TUSC3: variants seen among roughly 807,000 people sequenced by gnomAD.
The protein encoded by TUSC3 is dolichyl-diphosphooligosaccharide--protein glycosyltransferase subunit TUSC3.
A neutral mutation model predicts 44.8 loss-of-function variants in TUSC3; 45 were observed. That is an observed-to-expected ratio of 1.00 (90% CI 0.79 to 1.29). TUSC3 has a LOEUF of 1.29. Among genes scored for constraint, TUSC3 ranks in the 50% most tolerant of loss-of-function variants. The pLI is 0.00. For synonymous variants in TUSC3, 212 were observed against 152.9 expected (o/e 1.39, Z -2.85); for missense variants, 519 against 437.9 (o/e 1.19, Z -1.65).
At chr8:15,834,725 T>A in the TUSC3 span, among the ~76,000 whole-genome samples, 2 of 152,202 alleles carry the variant, frequency 1.3e-5, no homozygotes, top group Non-Finnish European at 2.9e-5. Context: ...GGCCTGTTTT[T>A]CTGGTAATTT....
chr8:15,825,327 G>A, the TUSC3 span, among the ~76,000 whole-genome samples: 1 of 152,158 alleles, frequency 6.6e-6, no homozygotes, highest in African/African-American at 2.4e-5. Flanking sequence ...CACAATCATG[G>A]TGGAAGGCAA....
the TUSC3 span, among the ~76,000 whole-genome samples, chr8:15,827,661 T>C: frequency 2.6e-3 from 400 of 152,326 alleles, 2 homozygotes; most frequent in African/African-American, 9.4e-3. Context: ...GTACATTTGA[T>C]CTTTGGACAC....
At chr8:15,678,907 C>G (rs1421204192) in intron 6 of TUSC3, among the ~76,000 whole-genome samples, 1 of 152,118 alleles carries the variant, frequency 6.6e-6, no homozygotes, top group East Asian at 1.9e-4. Flanking sequence ...GAATTTGCAC[C>G]TCTAGCTGCA....
intron 1 of TUSC3, among the ~76,000 whole-genome samples, chr8:15,481,041 A>C (rs565831953): frequency 6.6e-6 from 1 of 152,230 alleles, no homozygotes; most frequent in South Asian, 2.1e-4. Context: ...TGAGGTCAGG[A>C]GTTCGAGACC....
At chr8:15,783,728 A>G in the TUSC3 span, among the ~76,000 whole-genome samples, 8 of 152,236 alleles carry the variant, frequency 5.3e-5, no homozygotes, top group Admixed American at 3.9e-4. Flanking sequence ...TGGATTAAAC[A>G]TAAGACCAGA....
intron 6 of TUSC3, among the ~76,000 whole-genome samples, chr8:15,713,931 C>T (rs1809960345): frequency 6.6e-6 from 1 of 152,150 alleles, no homozygotes; most frequent in Non-Finnish European, 1.5e-5. Context: ...CACTTATTCA[C>T]AACCGTGGCC....
At chr8:15,450,545 C>T (rs1282986923) in intron 1 of TUSC3, among the ~76,000 whole-genome samples, 1 of 152,116 alleles carries the variant, frequency 6.6e-6, no homozygotes, top group African/African-American at 2.4e-5. Context: ...TTCACCCCAC[C>T]TGTAATCCTA....
chr8:15,534,002 G>C (rs182966277), intron 2 of TUSC3, among the ~76,000 whole-genome samples: 2 of 152,090 alleles, frequency 1.3e-5, no homozygotes, highest in Non-Finnish European at 2.9e-5. Flanking sequence ...GGATTTAGGC[G>C]GTTTTTGATC....
At chr8:15,525,456 T>C (rs1056007406) in intron 2 of TUSC3, among the ~76,000 whole-genome samples, 2 of 152,244 alleles carry the variant, frequency 1.3e-5, no homozygotes, top group African/African-American at 2.4e-5. Flanking sequence ...ATAGTCCTAC[T>C]ATTATTTTTA....
chr8:15,419,407 T>C (rs1585780048), intron 1 of TUSC3, among the ~76,000 whole-genome samples: 1 of 152,232 alleles, frequency 6.6e-6, no homozygotes, highest in Non-Finnish European at 1.5e-5. Context: ...AAGTCAGTTA[T>C]CTTCTGATTT....
intron 5 of TUSC3, among the ~76,000 whole-genome samples, chr8:15,666,968 A>G (rs1427174221): frequency 1.3e-5 from 2 of 151,692 alleles, no homozygotes; most frequent in East Asian, 1.9e-4. Context: ...AGTGGCCTCA[A>G]AAACTCAAAG....
chr8:15,627,421 G>T (rs189640208), intron 2 of TUSC3, among the ~76,000 whole-genome samples: 31 of 152,332 alleles, frequency 2.0e-4, no homozygotes, highest in South Asian at 2.1e-4. Context: ...CCCTCCGGTT[G>T]TTTGTGTGCT....
chr8:15,465,391 A>T (rs924824273), intron 1 of TUSC3, among the ~76,000 whole-genome samples: 1 of 152,206 alleles, frequency 6.6e-6, no homozygotes. Context: ...AACCACCAGC[A>T]GATTTGTATT....
chr8:15,801,713 G>A, the TUSC3 span, among the ~76,000 whole-genome samples: 1 of 152,142 alleles, frequency 6.6e-6, no homozygotes, highest in African/African-American at 2.4e-5. Context: ...GGCAGTCCAT[G>A]TAGAACGTAC....
chr8:15,585,750 G>A (rs947753658), intron 1 of TUSC3, among the ~76,000 whole-genome samples: 7 of 152,038 alleles, frequency 4.6e-5, no homozygotes, highest in Admixed American at 3.3e-4. Flanking sequence ...TTCGACTGTC[G>A]GAATGTCTTA....
Position 15,745,430 on chromosome 8 carries a change from G to A in TUSC3, c.937+1818G>A, listed in dbSNP as rs141596393. 8.5e-5 allele frequency among the ~76,000 whole-genome samples: 13 copies of A among 152,134 alleles called. No homozygotes were observed. The East Asian group carries it at 2.5e-3, about 29-fold the overall frequency. ...TCTAATTTACATTCCCGACAACAGT[G>A]CATAAGCATTCCCTTTTCCCCACGA... On this transcript the variant is annotated intron_variant, in intron 8 of 10. Transcript: ENST00000503731.
chr8:15,642,595 C>T (rs1320219483), intron 2 of TUSC3, among the ~76,000 whole-genome samples: 2 of 151,964 alleles, frequency 1.3e-5, no homozygotes, highest in South Asian at 2.1e-4. Flanking sequence ...TGTTCTTTAC[C>T]ACATGAAGCT....
At chr8:15,527,952 G>C (rs1801397828) in intron 2 of TUSC3, among the ~76,000 whole-genome samples, 1 of 151,988 alleles carries the variant, frequency 6.6e-6, no homozygotes, top group Non-Finnish European at 1.5e-5. Context: ...AATTCCATTA[G>C]CTAATAATTT....
intron 6 of TUSC3, among the ~76,000 whole-genome samples, chr8:15,719,515 A>C (rs13254117): frequency 0.012 from 67 of 5,384 alleles, 1 homozygote; most frequent in Admixed American, 0.058. Context: ...ACACACACAC[A>C]CCACACACAC....
Sources: allele counts gnomAD v4.1 joint callset (sites outside exome capture counted in the v4.1 genomes callset), GRCh38; gene constraint gnomAD v4.1.1; transcripts MANE v1.5; gene names NCBI Gene and HGNC (gene_info 2026-07-23, HGNC 2026-07-21).